The following UGDH variants were observed in gnomAD, a reference collection of about 807,000 sequenced individuals.
UGDH encodes UDP-Glc dehydrogenase.
UGDH carries 38 observed loss-of-function variants against 50.6 expected under a neutral mutation model. The ratio of observed to expected loss-of-function variants is 0.75; its 90% CI spans 0.58 to 0.98. The LOEUF (loss-of-function observed/expected upper bound fraction) is 0.98, where lower values mean the gene tolerates loss of function less well. Among genes scored for constraint, UGDH ranks in the 50% least tolerant of loss-of-function variants. The probability of loss-of-function intolerance (pLI) is 0.00; values close to 1 mark genes in which losing one functional copy is unlikely to be tolerated. For missense variants in UGDH, 465 were observed against 606.2 expected, an observed-to-expected ratio of 0.77 and a Z score of 2.45; for synonymous variants, 168 against 199.9, an observed-to-expected ratio of 0.84 and a Z score of 1.35.
At chr4:39,522,684 T>G (rs16995354) in intron 1 of UGDH, among the ~76,000 whole-genome samples, 33,515 of 151,862 alleles carry the variant, frequency 0.22, 5,840 homozygotes, top group African/African-American at 0.47. Context: ...TTGTAGCCTG[T>G]GTTAATAAAC....
chr4:39,523,144 C>A (rs372748776), intron 1 of UGDH, among the ~76,000 whole-genome samples: 18 of 152,212 alleles, frequency 1.2e-4, no homozygotes, highest in African/African-American at 4.1e-4. Context: ...CAACCTCCGC[C>A]TCCTGGGTTT....
intron 1 of UGDH, among the ~76,000 whole-genome samples, chr4:39,526,827 G>GT (rs1481837191): frequency 2.0e-5 from 3 of 152,106 alleles, no homozygotes; most frequent in African/African-American, 7.2e-5. Context: ...TTCTGGCTTC[G>GT]TTTCTCTTTG....
chr4:39,504,634 T>C (rs1207051514), intron 9 of UGDH, 126 bp from the exon 10 acceptor site: 1 of 816,942 alleles, frequency 1.2e-6, no homozygotes. Context: ...CTGTGGAGAG[T>C]ACTGAACCCT....
At chr4:39,524,191 A>C (rs1029453676) in intron 1 of UGDH, among the ~76,000 whole-genome samples, 5 of 152,142 alleles carry the variant, frequency 3.3e-5, no homozygotes, top group Non-Finnish European at 7.3e-5. Flanking sequence ...GGCAGCCTTT[A>C]CTCTTAATCT....
chr4:39,501,078 G>C (rs952666484), intron 11 of UGDH, among the ~76,000 whole-genome samples: 5 of 149,980 alleles, frequency 3.3e-5, no homozygotes, highest in African/African-American at 1.2e-4. Context: ...GATTCTCCTC[G>C]CCTCAGCCTC....
chr4:39,509,729 C>G (rs746355905), intron 6 of UGDH, 31 bp downstream of exon 6: 7 of 1,591,936 alleles, frequency 4.4e-6, no homozygotes, highest in Non-Finnish European at 6.0e-6. Context: ...TAAACACTAG[C>G]TCTTTCTACT....
chr4:39,502,855 T>C (rs1161588547), intron 11 of UGDH, among the ~76,000 whole-genome samples: 8 of 152,058 alleles, frequency 5.3e-5, no homozygotes, highest in Non-Finnish European at 7.4e-5. Context: ...CAAGCAATCC[T>C]CCCACGTCAG....
intron 1 of UGDH, chr4:39,526,274 CAAG>C (rs1746888118): frequency 6.6e-6 from 1 of 152,072 alleles, no homozygotes; most frequent in African/African-American, 2.4e-5. Flanking sequence ...TGGAAGTAAA[CAAG>C]AAGGAAGATG....
intron 4 of UGDH, 53 bp downstream of exon 4, chr4:39,510,608 C>G (rs905037288): frequency 6.2e-7 from 1 of 1,613,918 alleles, no homozygotes; most frequent in Non-Finnish European, 8.5e-7. Context: ...GCAACTTTAA[C>G]ACATCAGTAT....
chr4:39,503,260 G>A (rs1448922716), intron 11 of UGDH, among the ~76,000 whole-genome samples: 2 of 152,094 alleles, frequency 1.3e-5, no homozygotes, highest in Non-Finnish European at 2.9e-5. Flanking sequence ...ATGTTGGCTA[G>A]GCTGGTCTCG....
At chr4:39,501,212 C>G (rs191145582) in intron 11 of UGDH, among the ~76,000 whole-genome samples, 1 of 150,894 alleles carries the variant, frequency 6.6e-6, no homozygotes, top group African/African-American at 2.4e-5. Context: ...GTGATCCATC[C>G]GCCTTGGCCT....
At chr4:39,510,906 G>A (rs763453244) in intron 3 of UGDH, 45 bp from the exon 4 acceptor site, 2 of 1,598,096 alleles carry the variant, frequency 1.3e-6, no homozygotes, top group East Asian at 2.2e-5. Flanking sequence ...CTGTGAGATA[G>A]GGATTTCAAG....
At chr4:39,511,104 T>C (rs1181510402) in intron 3 of UGDH, among the ~76,000 whole-genome samples, 23 of 152,192 alleles carry the variant, frequency 1.5e-4, no homozygotes, top group Admixed American at 1.4e-3. Context: ...GCCGGATAAC[T>C]AGGGCAGGCA....
chr4:39,517,128 C>T (rs922448286), intron 2 of UGDH, among the ~76,000 whole-genome samples: 7 of 151,678 alleles, frequency 4.6e-5, no homozygotes, highest in Non-Finnish European at 8.8e-5. Flanking sequence ...TAAAATTATC[C>T]TCAGTAAAAT....
chr4:39,520,742 T>C (rs1746617942), intron 2 of UGDH, among the ~76,000 whole-genome samples: 1 of 151,486 alleles, frequency 6.6e-6, no homozygotes, highest in Non-Finnish European at 1.5e-5. Flanking sequence ...TTTAATTTTA[T>C]TATAATATGG....
intron 11 of UGDH, among the ~76,000 whole-genome samples, chr4:39,502,336 T>A (rs1424594810): frequency 2.0e-5 from 3 of 152,162 alleles, no homozygotes; most frequent in Admixed American, 6.5e-5. Context: ...CACAAGTAAA[T>A]CTCTCATGAA....
Position 39,499,208 on chromosome 4 carries a change from G to GA in UGDH, c.*934dup, listed in dbSNP as rs1473679274. The GA allele has an allele frequency of 2.3e-4, 35 of 151,054 alleles. No homozygotes were observed. Among genetic ancestry groups the GA allele is most frequent in the African/African-American group, 7.5e-4 (31 of 41,218 alleles). The allele number at this position is 151,054 out of a possible 1,614,324, so 9.4% of individuals were successfully genotyped here. A position where few individuals can be genotyped will look rare whatever the true frequency, so the allele number is the denominator to read the frequency against. ...GACTAAAAAAAAAAAGATTAGTGAG[G>GA]AAAACCAATAAATAATGGGGAGAGA... On this transcript the variant is annotated 3_prime_UTR_variant, in exon 12 of 12. Transcript: ENST00000316423.
At position 39,514,095 on chromosome 4, in the gene UGDH, A is replaced by G. The variant is rs1746351465; in HGVS notation, c.252T>C (p.Leu84=). 2 of 1,589,538 alleles carry G rather than the reference A, an allele frequency of 1.3e-6. No individual in the cohort carries two copies. Among genetic ancestry groups the G allele is most frequent in the South Asian group, 1.2e-5 (1 of 86,154 alleles). ...NIDDAIKEAD[L]VFISVNTPTK... ...GGAAAATACTTACAGAAATAAATAC[A>G]AGATCAGCTTCTTTGATGGCATCAT... The change falls in exon 3 of 12, where the codon CTT becomes CTC. Residue 84 remains leucine, a synonymous_variant. Transcript: ENST00000316423.
At chr4:39,509,942 A>C in intron 5 of UGDH, 35 bp from the exon 6 acceptor site, 1 of 1,559,366 alleles carries the variant, frequency 6.4e-7, no homozygotes, top group Non-Finnish European at 8.6e-7. Context: ...GAGTAAGATA[A>C]GCTAAAACAG....
Sources: allele counts gnomAD v4.1 joint callset (sites outside exome capture counted in the v4.1 genomes callset), GRCh38; gene constraint gnomAD v4.1.1; transcripts MANE v1.5; gene names NCBI Gene and HGNC (gene_info 2026-07-23, HGNC 2026-07-21).